The following PDE3A variants were observed in gnomAD, a reference collection of about 807,000 sequenced individuals.
PDE3A encodes phosphodiesterase 3A, also known as cGMP-inhibited 3',5'-cyclic phosphodiesterase 3A.
PDE3A carries 43 observed loss-of-function variants against 98.3 expected under a neutral mutation model. That is an observed-to-expected ratio of 0.44 (90% CI 0.34 to 0.56). PDE3A has a LOEUF of 0.56. Ranked by LOEUF, PDE3A falls within the 20% of genes least tolerant of loss-of-function variation. The pLI, the probability that PDE3A is intolerant of heterozygous loss-of-function variation, is 0.01. For missense variants in PDE3A, 1,427 were observed against 1,440.7 expected, an observed-to-expected ratio of 0.99 and a Z score of 0.15; for synonymous variants, 663 against 567.9, an observed-to-expected ratio of 1.17 and a Z score of -2.38.
At chr12:20,568,889 T>A (rs1942726371) in intron 2 of PDE3A, among the ~76,000 whole-genome samples, 1 of 152,114 alleles carries the variant, frequency 6.6e-6, no homozygotes, top group Non-Finnish European at 1.5e-5. Flanking sequence ...ATGGAAAGGA[T>A]TAATTTTCAA....
chr12:20,630,043 T>C lies in PDE3A; in HGVS notation c.1676T>C (p.Leu559Pro). ...GCTGACACAACTGCCAAACAAAGCC[T>C]AGGTTCTCACAGGGCCTTAACTTAC... Reference protein sequence around the residue: ...ESADTTAKQSLGSHRALTYTQ... With the variant: ...ESADTTAKQSPGSHRALTYTQ... The change falls in exon 6 of 16, where the codon CTA (leucine) becomes CCA (proline). Residue 559 changes from leucine to proline, a missense_variant. Coordinates refer to ENST00000359062, the MANE Select transcript of PDE3A (RefSeq NM_000921.5). The C allele has an allele frequency of 6.2e-7, 1 of 1,614,002 alleles. No individual in the cohort carries two copies. Among genetic ancestry groups the C allele is most frequent in the Non-Finnish European group, 8.5e-7 (1 of 1,179,926 alleles).
intron 6 of PDE3A, among the ~76,000 whole-genome samples, chr12:20,630,940 T>A (rs1355764766): frequency 6.6e-6 from 1 of 152,158 alleles, no homozygotes; most frequent in African/African-American, 2.4e-5. Flanking sequence ...AATGAGTAAC[T>A]TGTTGGTTTT....
In PDE3A at chr12:20,514,883, G is replaced by A. The variant is rs113829800; in HGVS notation, c.961-41777G>A. On this transcript the variant is annotated intron_variant, in intron 1 of 15. Transcript: ENST00000359062. Reference sequence around the variant, plus strand: ...ATGTTCCTGTCTTAGCCCATTTTGTGCTGCTGTAACAGAATACCTGACACT... The same window carrying A: ...ATGTTCCTGTCTTAGCCCATTTTGTACTGCTGTAACAGAATACCTGACACT... Among the ~76,000 whole-genome samples, 419 of 152,330 alleles carry A rather than the reference G, an allele frequency of 2.8e-3. 6 individuals carry two copies. The highest frequency in any genetic ancestry group is 0.01 in the Middle Eastern group (3 of 294).
intron 1 of PDE3A, among the ~76,000 whole-genome samples, chr12:20,487,144 G>A (rs1945740828): frequency 1.9e-5 from 1 of 51,294 alleles, no homozygotes; most frequent in African/African-American, 4.1e-5. Flanking sequence ...TATTAAATTT[G>A]ACTGGCGTAG....
intron 2 of PDE3A, among the ~76,000 whole-genome samples, chr12:20,607,880 AT>A (rs1417122597): frequency 6.6e-6 from 1 of 152,136 alleles, no homozygotes; most frequent in Non-Finnish European, 1.5e-5. Context: ...AACATTTAGT[AT>A]TTATTATCAC....
chr12:20,528,020 A>G (rs186016494), intron 1 of PDE3A, among the ~76,000 whole-genome samples: 320 of 152,072 alleles, frequency 2.1e-3, no homozygotes, highest in Non-Finnish European at 3.9e-3. Flanking sequence ...ATTGAAAGTG[A>G]GGGAGTTTGT....
chr12:20,612,821 C>T (rs1943904273), intron 2 of PDE3A, among the ~76,000 whole-genome samples: 1 of 151,320 alleles, frequency 6.6e-6, no homozygotes, highest in Admixed American at 6.6e-5. Context: ...AATGACTCTG[C>T]TCTGATAGGC....
intron 2 of PDE3A, among the ~76,000 whole-genome samples, chr12:20,568,882 G>A (rs1942726124): frequency 6.6e-6 from 1 of 151,930 alleles, no homozygotes; most frequent in Non-Finnish European, 1.5e-5. Flanking sequence ...AGAGGAAATG[G>A]AAAGGATTAA....
intron 3 of PDE3A, among the ~76,000 whole-genome samples, chr12:20,615,633 T>C (rs1340555027): frequency 1.3e-5 from 2 of 152,138 alleles, no homozygotes; most frequent in African/African-American, 4.8e-5. Flanking sequence ...TAAATATAAC[T>C]ATAAAATTAT....
intron 1 of PDE3A, among the ~76,000 whole-genome samples, chr12:20,453,959 A>T (rs1412964611): frequency 1.3e-5 from 2 of 152,196 alleles, no homozygotes; most frequent in African/African-American, 4.8e-5. Flanking sequence ...TGAAAGGTGA[A>T]TCAGACCATG....
intron 1 of PDE3A, among the ~76,000 whole-genome samples, chr12:20,453,483 A>T (rs969783974): frequency 6.6e-6 from 1 of 152,072 alleles, no homozygotes; most frequent in Admixed American, 6.6e-5. Flanking sequence ...CCTGGCCCAA[A>T]CTTGATAATG....
chr12:20,556,904 C>T, intron 2 of PDE3A, 194 bp downstream of exon 2: 2 of 626,766 alleles, frequency 3.2e-6, no homozygotes, highest in Non-Finnish European at 5.7e-6. Context: ...GATATTCCTT[C>T]TAAGAGCTTT....
chr12:20,635,858 A>AT (rs1268951706), intron 8 of PDE3A, among the ~76,000 whole-genome samples: 1 of 151,792 alleles, frequency 6.6e-6, no homozygotes, highest in Non-Finnish European at 1.5e-5. Flanking sequence ...ATATCAATAT[A>AT]TTTTTTCTCT....
intron 5 of PDE3A, among the ~76,000 whole-genome samples, chr12:20,622,309 A>C (rs1944157294): frequency 6.6e-6 from 1 of 151,830 alleles, no homozygotes; most frequent in South Asian, 2.1e-4. Flanking sequence ...TTCACTTCTT[A>C]CTCCATGCCA....
At chr12:20,634,183 A>G (rs757021781) in intron 7 of PDE3A, among the ~76,000 whole-genome samples, 1 of 152,198 alleles carries the variant, frequency 6.6e-6, no homozygotes, top group Non-Finnish European at 1.5e-5. Flanking sequence ...ATAGAACTAT[A>G]TAGAAATATT....
At chr12:20,490,934 G>A (rs1417038714) in intron 1 of PDE3A, among the ~76,000 whole-genome samples, 1 of 151,988 alleles carries the variant, frequency 6.6e-6, no homozygotes, top group Admixed American at 6.6e-5. Flanking sequence ...GTGAGACCCC[G>A]TCTGTACCAA....
At chr12:20,533,828 C>G (rs1193644354) in intron 1 of PDE3A, among the ~76,000 whole-genome samples, 1 of 152,036 alleles carries the variant, frequency 6.6e-6, no homozygotes, top group African/African-American at 2.4e-5. Flanking sequence ...TAAGTCTGAA[C>G]AAAGTAGTGA....
intron 1 of PDE3A, among the ~76,000 whole-genome samples, chr12:20,509,747 A>G (rs1027294996): frequency 6.6e-6 from 1 of 151,934 alleles, no homozygotes; most frequent in African/African-American, 2.4e-5. Flanking sequence ...CTTTAGTGCC[A>G]CTTAGAAAAC....
intron 1 of PDE3A, among the ~76,000 whole-genome samples, chr12:20,420,087 T>G (rs1296969007): frequency 1.3e-5 from 2 of 152,188 alleles, no homozygotes; most frequent in African/African-American, 4.8e-5. Flanking sequence ...TGAAGAATAT[T>G]TTGTTGACTT....
Sources: allele counts gnomAD v4.1 joint callset (sites outside exome capture counted in the v4.1 genomes callset), GRCh38; gene constraint gnomAD v4.1.1; transcripts MANE v1.5; gene names NCBI Gene and HGNC (gene_info 2026-07-23, HGNC 2026-07-21).